Variants in VSTM4 observed in about 807,000 individuals in gnomAD.
VSTM4 encodes V-set and transmembrane domain-containing protein 4.
VSTM4 carries 20 observed loss-of-function variants against 36.4 expected under a neutral mutation model. The observed-to-expected ratio is 0.55, with a 90% CI of 0.39 to 0.80. The LOEUF is 0.80. VSTM4 is among the 30% of genes least tolerant of loss of function. The pLI is 0.00. For missense variants in VSTM4, 392 were observed against 404.5 expected, an observed-to-expected ratio of 0.97 and a Z score of 0.26; for synonymous variants, 182 against 173.9, an observed-to-expected ratio of 1.05 and a Z score of -0.37.
intron 5 of VSTM4, among the ~76,000 whole-genome samples, chr10:49,059,841 G>A (rs960339469): frequency 4.6e-5 from 7 of 152,184 alleles, no homozygotes; most frequent in Non-Finnish European, 8.8e-5. Flanking sequence ...ACCCCCAAAG[G>A]TTCCATCTTG....
At chr10:49,115,060 A>C (rs943292237) in intron 1 of VSTM4, among the ~76,000 whole-genome samples, 6 of 152,184 alleles carry the variant, frequency 3.9e-5, no homozygotes, top group African/African-American at 1.4e-4. Flanking sequence ...GGAATCTGCC[A>C]AGAGCTGTGT....
At chr10:49,037,866 C>T in intron 7 of VSTM4, among the ~76,000 whole-genome samples, 1 of 151,772 alleles carries the variant, frequency 6.6e-6, no homozygotes, top group East Asian at 1.9e-4. Flanking sequence ...TGCTCAACAT[C>T]ACTCATTAGG....
chr10:49,075,253 T>C (rs1053682353), intron 4 of VSTM4, among the ~76,000 whole-genome samples: 2 of 152,188 alleles, frequency 1.3e-5, no homozygotes, highest in Non-Finnish European at 2.9e-5. Context: ...TGATCCTGTC[T>C]AGGGCCTAGC....
At chr10:49,073,758 G>A (rs1344650536) in intron 4 of VSTM4, among the ~76,000 whole-genome samples, 5 of 152,136 alleles carry the variant, frequency 3.3e-5, no homozygotes, top group Admixed American at 6.5e-5. Flanking sequence ...GTGATATATA[G>A]GAAAGTCCAC....
intron 7 of VSTM4, among the ~76,000 whole-genome samples, chr10:49,041,685 C>T (rs1338866077): frequency 3.9e-5 from 6 of 152,140 alleles, no homozygotes; most frequent in Non-Finnish European, 7.3e-5. Flanking sequence ...GAGGTGGGTC[C>T]ACCCAGGCTA....
At position 49,019,630 on chromosome 10, in the gene VSTM4, C is replaced by T; in HGVS notation, c.*20G>A. 1 of 1,592,672 alleles carries T rather than the reference C, an allele frequency of 6.3e-7. No homozygotes were observed. The highest frequency in any genetic ancestry group is 8.6e-7 in the Non-Finnish European group (1 of 1,168,502). On this transcript the variant is annotated 3_prime_UTR_variant, in exon 8 of 8. Transcript: ENST00000332853. ...ACTGGGTGGCAGGTATTAAATAGAACCTTGGAGGTGGACGCTGTACTACAG... is the reference window on the plus strand; with the variant it reads ...ACTGGGTGGCAGGTATTAAATAGAATCTTGGAGGTGGACGCTGTACTACAG...
chr10:49,081,356 T>A (rs181318684), intron 3 of VSTM4, among the ~76,000 whole-genome samples: 7 of 152,348 alleles, frequency 4.6e-5, no homozygotes, highest in African/African-American at 1.4e-4. Flanking sequence ...TTTAGTCTTA[T>A]TCATGGAGTG....
At chr10:49,029,580 G>C (rs1843314122) in intron 7 of VSTM4, among the ~76,000 whole-genome samples, 1 of 152,230 alleles carries the variant, frequency 6.6e-6, no homozygotes, top group African/African-American at 2.4e-5. Flanking sequence ...GCAAATGCAT[G>C]CTCAGAGGCA....
At chr10:49,087,992 G>GTAATATATATGTA (rs1590120151) in intron 2 of VSTM4, among the ~76,000 whole-genome samples, 1 of 137,796 alleles carries the variant, frequency 7.3e-6, no homozygotes, top group African/African-American at 3.2e-5. Context: ...ATATATATGT[G>GTAATATATATGTA]TATATACACA....
chr10:49,095,006 C>T (rs1385227286), intron 2 of VSTM4, among the ~76,000 whole-genome samples: 4 of 152,174 alleles, frequency 2.6e-5, no homozygotes, highest in African/African-American at 9.7e-5. Context: ...CTTTGTCTAG[C>T]TTATGCCGCC....
intron 7 of VSTM4, among the ~76,000 whole-genome samples, chr10:49,028,068 T>C (rs1417530452): frequency 6.6e-6 from 1 of 152,246 alleles, no homozygotes; most frequent in Non-Finnish European, 1.5e-5. Context: ...TTGCTCCACA[T>C]CCTTGTCAGC....
intron 7 of VSTM4, among the ~76,000 whole-genome samples, chr10:49,036,553 T>C (rs1843434566): frequency 6.6e-6 from 1 of 152,232 alleles, no homozygotes; most frequent in Non-Finnish European, 1.5e-5. Flanking sequence ...ATAAACATCC[T>C]TCAAGAAACC....
intron 1 of VSTM4, among the ~76,000 whole-genome samples, chr10:49,113,248 G>C (rs949456310): frequency 6.6e-6 from 1 of 152,210 alleles, no homozygotes; most frequent in Non-Finnish European, 1.5e-5. Flanking sequence ...GAAAGAAATA[G>C]TTATATTACT....
chr10:49,105,423 TGACA>T (rs1263002158), intron 2 of VSTM4, among the ~76,000 whole-genome samples: 19 of 118,096 alleles, frequency 1.6e-4, no homozygotes, highest in African/African-American at 4.5e-4. Flanking sequence ...AGAGAAAGAG[TGACA>T]GACAGAGAGA....
chr10:49,107,554 C>T (rs763289706), intron 2 of VSTM4, 40 bp downstream of exon 2: 2 of 1,560,988 alleles, frequency 1.3e-6, no homozygotes, highest in South Asian at 2.4e-5. Context: ...TACTGGCCTG[C>T]CCCACCACCA....
intron 4 of VSTM4, among the ~76,000 whole-genome samples, chr10:49,068,832 A>C (rs1434017637): frequency 6.6e-6 from 1 of 151,952 alleles, no homozygotes; most frequent in African/African-American, 2.4e-5. Context: ...GAGCCAATAC[A>C]CCCCGTGGGC....
At chr10:49,037,044 T>C (rs776482342) in intron 7 of VSTM4, among the ~76,000 whole-genome samples, 1 of 152,214 alleles carries the variant, frequency 6.6e-6, no homozygotes, top group Non-Finnish European at 1.5e-5. Flanking sequence ...TACATATACC[T>C]GGTTGACATA....
Position 49,067,937 on chromosome 10 carries a change from G to A in VSTM4, c.635-3201C>T, listed in dbSNP as rs1358806047. ...GGAGTAGTATTTCCATATAACCTAC[G>A]CACATCCTCCTGTATACTTTTAATC... On this transcript the variant is annotated intron_variant, in intron 4 of 7. Coordinates refer to ENST00000332853, the MANE Select transcript of VSTM4 (RefSeq NM_001031746.5). 1.3e-5 allele frequency among the ~76,000 whole-genome samples: 2 copies of A among 152,012 alleles called. 1 individual carries two copies. Among genetic ancestry groups the A allele is most frequent in the Non-Finnish European group, 2.9e-5 (2 of 68,026 alleles).
At chr10:49,091,306 C>G (rs536303742) in intron 2 of VSTM4, among the ~76,000 whole-genome samples, 1 of 152,168 alleles carries the variant, frequency 6.6e-6, no homozygotes, top group Non-Finnish European at 1.5e-5. Context: ...ACTCTGGGGC[C>G]TCCCCAGGAG....
Sources: gnomAD v4.1 joint callset for allele counts (sites outside exome capture counted in the v4.1 genomes callset) on GRCh38, gnomAD v4.1.1 for gene constraint, MANE v1.5 for transcripts, NCBI Gene and HGNC (gene_info 2026-07-23, HGNC 2026-07-21) for gene names.